KCNQ3: variants seen among roughly 807,000 people sequenced by gnomAD.
The protein encoded by KCNQ3 is potassium voltage-gated channel subfamily Q member 3, also known as potassium voltage-gated channel subfamily KQT member 3.
KCNQ3 carries 30 observed loss-of-function variants against 92.5 expected under a neutral mutation model. That is an observed-to-expected ratio of 0.32 (90% CI 0.24 to 0.44). KCNQ3 has a LOEUF of 0.44. KCNQ3 is among the 20% of genes least tolerant of loss of function. KCNQ3 has a pLI of 1.00. For missense variants in KCNQ3, 913 were observed against 1,140.3 expected, an observed-to-expected ratio of 0.80 and a Z score of 2.87; for synonymous variants, 450 against 468.8, an observed-to-expected ratio of 0.96 and a Z score of 0.52.
At chr8:132,144,887 C>G (rs1259860268) in intron 9 of KCNQ3, among the ~76,000 whole-genome samples, 1 of 152,200 alleles carries the variant, frequency 6.6e-6, no homozygotes, top group African/African-American at 2.4e-5. Flanking sequence ...CTCTGTGCCC[C>G]TAGTCCACTT....
intron 1 of KCNQ3, among the ~76,000 whole-genome samples, chr8:132,342,134 G>A (rs748409755): frequency 4.6e-5 from 7 of 152,030 alleles, no homozygotes; most frequent in Non-Finnish European, 7.4e-5. Flanking sequence ...AAATGTGGAC[G>A]GAGGATGATG....
chr8:132,226,014 G>T lies in KCNQ3; in HGVS notation c.387-39833C>A, dbSNP rs529476889. ...TGGCCAGGCATGGTGGCTCAAGCCT[G>T]TAATCCCAGCACTTTGGGAGGCCAA... On this transcript the variant is annotated intron_variant, in intron 1 of 14. Transcript: ENST00000388996. Among the ~76,000 whole-genome samples, 4 of 152,286 alleles carry T rather than the reference G, an allele frequency of 2.6e-5. No homozygotes were observed. The East Asian group carries it at 7.7e-4, about 29-fold the overall frequency.
intron 1 of KCNQ3, among the ~76,000 whole-genome samples, chr8:132,270,479 T>C (rs569991669): frequency 6.6e-6 from 1 of 152,362 alleles, no homozygotes. Context: ...TCTCTTACTC[T>C]GGACAGGACT....
At chr8:132,416,160 T>C in intron 1 of KCNQ3, among the ~76,000 whole-genome samples, 1 of 152,182 alleles carries the variant, frequency 6.6e-6, no homozygotes, top group East Asian at 1.9e-4. Flanking sequence ...ATTTTGATGT[T>C]TGTAAGCAAA....
At chr8:132,186,264 G>A in intron 1 of KCNQ3, 83 bp from the exon 2 acceptor site, 3 of 947,546 alleles carry the variant, frequency 3.2e-6, no homozygotes, top group Non-Finnish European at 3.4e-6. Context: ...GTGTCTTCCA[G>A]GATGAAGCTG....
intron 1 of KCNQ3, among the ~76,000 whole-genome samples, chr8:132,451,021 T>C (rs74612746): frequency 8.5e-5 from 13 of 152,216 alleles, no homozygotes; most frequent in East Asian, 1.9e-4. Flanking sequence ...ATCAGTAATA[T>C]GGTTTGGCTC....
chr8:132,162,789 C>A (rs186947730), intron 9 of KCNQ3, among the ~76,000 whole-genome samples: 2 of 152,270 alleles, frequency 1.3e-5, no homozygotes, highest in East Asian at 3.9e-4. Flanking sequence ...CAAGTGGCTC[C>A]CCTATAAGGT....
At chr8:132,402,159 C>T (rs572303960) in intron 1 of KCNQ3, among the ~76,000 whole-genome samples, 43 of 152,202 alleles carry the variant, frequency 2.8e-4, no homozygotes, top group Admixed American at 7.2e-4. Context: ...AGAGCGTGTC[C>T]GTGTGTGGGC....
intron 1 of KCNQ3, among the ~76,000 whole-genome samples, chr8:132,257,894 C>T (rs2130460774): frequency 6.6e-6 from 1 of 151,936 alleles, no homozygotes; most frequent in Admixed American, 6.6e-5. Flanking sequence ...ACAAAATAGA[C>T]TTAAATACAC....
intron 9 of KCNQ3, among the ~76,000 whole-genome samples, chr8:132,159,411 T>C (rs541443379): frequency 6.6e-6 from 1 of 152,238 alleles, no homozygotes; most frequent in Non-Finnish European, 1.5e-5. Context: ...ACCCACTCAC[T>C]CTAACAGGTG....
intron 1 of KCNQ3, among the ~76,000 whole-genome samples, chr8:132,285,730 G>C (rs1450081673): frequency 6.6e-6 from 1 of 152,160 alleles, no homozygotes; most frequent in Non-Finnish European, 1.5e-5. Flanking sequence ...TCAAAACTAT[G>C]GGAGAAAGAT....
At chr8:132,207,990 G>C (rs905712086) in intron 1 of KCNQ3, among the ~76,000 whole-genome samples, 11 of 150,730 alleles carry the variant, frequency 7.3e-5, no homozygotes, top group African/African-American at 2.7e-4. Context: ...GCTTCTGCTT[G>C]CTCAGCTGTG....
At chr8:132,243,633 C>G (rs1815064111) in intron 1 of KCNQ3, among the ~76,000 whole-genome samples, 1 of 152,210 alleles carries the variant, frequency 6.6e-6, no homozygotes, top group East Asian at 1.9e-4. Context: ...GCTTTGGTGT[C>G]AGAGACTTGT....
intron 1 of KCNQ3, chr8:132,447,313 A>C: frequency 7.1e-7 from 1 of 1,416,588 alleles, no homozygotes; most frequent in East Asian, 2.5e-5. Context: ...ATGGGCAGAC[A>C]AGGGTCAAGA....
chr8:132,334,170 T>A (rs1373638218), intron 1 of KCNQ3, among the ~76,000 whole-genome samples: 1 of 152,154 alleles, frequency 6.6e-6, no homozygotes, highest in African/African-American at 2.4e-5. Flanking sequence ...GCTTCCAATT[T>A]TCTTACTATC....
At chr8:132,291,631 TATG>T (rs1816837613) in intron 1 of KCNQ3, among the ~76,000 whole-genome samples, 1 of 152,210 alleles carries the variant, frequency 6.6e-6, no homozygotes, top group Non-Finnish European at 1.5e-5. Context: ...CTATTTTACT[TATG>T]ATAAAATCCA....
intron 1 of KCNQ3, among the ~76,000 whole-genome samples, chr8:132,442,939 G>A (rs991113575): frequency 2.6e-5 from 4 of 152,022 alleles, no homozygotes; most frequent in African/African-American, 7.3e-5. Context: ...CCCTCTCCCC[G>A]AATCTGTGCT....
At chr8:132,455,374 T>A (rs1249964318) in intron 1 of KCNQ3, among the ~76,000 whole-genome samples, 2 of 152,236 alleles carry the variant, frequency 1.3e-5, no homozygotes, top group African/African-American at 4.8e-5. Context: ...CCCAAAGTGC[T>A]GGGATTATAG....
At chr8:132,453,712 G>A (rs561814240) in intron 1 of KCNQ3, among the ~76,000 whole-genome samples, 3 of 152,028 alleles carry the variant, frequency 2.0e-5, no homozygotes, top group South Asian at 2.1e-4. Context: ...AACATTGACC[G>A]ACTTAAAACC....
Sources: allele counts gnomAD v4.1 joint callset (sites outside exome capture counted in the v4.1 genomes callset), GRCh38; gene constraint gnomAD v4.1.1; transcripts MANE v1.5; gene names NCBI Gene and HGNC (gene_info 2026-07-23, HGNC 2026-07-21).